SLC13A3: variants seen among roughly 807,000 people sequenced by gnomAD.
SLC13A3 encodes the protein solute carrier family 13 member 3.
In SLC13A3, 40 loss-of-function variants were observed where a neutral mutation model predicts 59.0. The ratio of observed to expected loss-of-function variants is 0.68; its 90% confidence interval spans 0.53 to 0.88. SLC13A3 has a LOEUF of 0.88. SLC13A3 is among the 40% of genes least tolerant of loss of function. The pLI, the probability that SLC13A3 is intolerant of heterozygous loss-of-function variation, is 0.00. For missense variants in SLC13A3, 699 were observed against 783.2 expected, an observed-to-expected ratio of 0.89 and a Z score of 1.28; for synonymous variants, 317 against 330.3, an observed-to-expected ratio of 0.96 and a Z score of 0.44.
At chr20:46,647,636 C>G (rs1018432421) in intron 1 of SLC13A3, among the ~76,000 whole-genome samples, 2 of 152,202 alleles carry the variant, frequency 1.3e-5, no homozygotes. Context: ...TCCCTGCTGA[C>G]AGCATTTCTG....
At chr20:46,603,183 C>CA (rs998276363) in intron 3 of SLC13A3, among the ~76,000 whole-genome samples, 2,138 of 132,404 alleles carry the variant, frequency 0.016, 52 homozygotes, top group African/African-American at 0.054. Context: ...AATTTCGTCT[C>CA]AAAAAAAAAA....
At chr20:46,603,860 C>T (rs1432765065) in intron 3 of SLC13A3, among the ~76,000 whole-genome samples, 1 of 151,652 alleles carries the variant, frequency 6.6e-6, no homozygotes, top group Non-Finnish European at 1.5e-5. Context: ...AAGACTTCAA[C>T]AGAGCTGGGT....
chr20:46,599,223 G>C (rs2062347521), intron 4 of SLC13A3, among the ~76,000 whole-genome samples: 1 of 152,236 alleles, frequency 6.6e-6, no homozygotes, highest in South Asian at 2.1e-4. Context: ...AATAGTGCCT[G>C]GCTCATCGTA....
At chr20:46,673,832 A>G (rs2063106667), upstream of SLC13A3, 2 of 152,316 alleles carry the variant, frequency 1.3e-5, no homozygotes, top group South Asian at 4.1e-4. Context: ...GCTCTACATC[A>G]TTGGGTCTTA....
chr20:46,670,617 A>G (rs1214406968), upstream of SLC13A3, among the ~76,000 whole-genome samples: 1 of 152,178 alleles, frequency 6.6e-6, no homozygotes, highest in Admixed American at 6.5e-5. Context: ...CTCCATAGAG[A>G]GGGGCCCTGA....
upstream of SLC13A3, among the ~76,000 whole-genome samples, chr20:46,655,142 T>C (rs996489629): frequency 1.3e-5 from 2 of 152,082 alleles, no homozygotes; most frequent in Non-Finnish European, 2.9e-5. Flanking sequence ...GGCCATGATA[T>C]GTCTTGGTGT....
At chr20:46,651,265 T>A (rs1600616824) in intron 1 of SLC13A3, 46 bp downstream of exon 1, 1 of 1,444,444 alleles carries the variant, frequency 6.9e-7, no homozygotes, top group Non-Finnish European at 9.1e-7. Flanking sequence ...GAGAAGAGGA[T>A]CCCGCCTGTG....
At chr20:46,656,320 GTA>G (rs556691288), upstream of SLC13A3, among the ~76,000 whole-genome samples, 72 of 120,282 alleles carry the variant, frequency 6.0e-4, no homozygotes, top group Middle Eastern at 0.023. Context: ...ATATTATACT[GTA>G]TATGATATAC....
intron 8 of SLC13A3, chr20:46,584,278 A>G: frequency 1.0e-6 from 1 of 985,480 alleles, no homozygotes; most frequent in Non-Finnish European, 1.2e-6. Context: ...GTTCAAGGGC[A>G]GACCCTGAGC....
intron 3 of SLC13A3, among the ~76,000 whole-genome samples, chr20:46,606,289 T>C (rs2062436813): frequency 6.6e-6 from 1 of 152,218 alleles, no homozygotes; most frequent in Non-Finnish European, 1.5e-5. Flanking sequence ...TAGTTTTTAA[T>C]ACAACTGCCA....
intron 1 of SLC13A3, among the ~76,000 whole-genome samples, chr20:46,669,182 A>G (rs1339319373): frequency 6.6e-6 from 1 of 152,208 alleles, no homozygotes; most frequent in Non-Finnish European, 1.5e-5. Context: ...TCAAGAAGTT[A>G]TTATATGTGT....
intron 11 of SLC13A3, among the ~76,000 whole-genome samples, chr20:46,565,015 A>T (rs2061967810): frequency 6.6e-6 from 1 of 152,240 alleles, no homozygotes; most frequent in African/African-American, 2.4e-5. Flanking sequence ...CTGTTTGCAT[A>T]CAAAGCATTT....
chr20:46,672,693 A>G (rs2063100225), upstream of SLC13A3, among the ~76,000 whole-genome samples: 1 of 152,184 alleles, frequency 6.6e-6, no homozygotes, highest in African/African-American at 2.4e-5. Flanking sequence ...CAGGGCATGA[A>G]TAAGGCCACA....
At chr20:46,621,213 C>T (rs2122775438) in intron 1 of SLC13A3, among the ~76,000 whole-genome samples, 1 of 152,314 alleles carries the variant, frequency 6.6e-6, no homozygotes. Context: ...GAGTCCTTCA[C>T]CACAGCAATG....
At chr20:46,564,086 T>C (rs992802895) in intron 11 of SLC13A3, among the ~76,000 whole-genome samples, 34 of 152,228 alleles carry the variant, frequency 2.2e-4, no homozygotes, top group African/African-American at 8.0e-4. Context: ...GACTGTACAC[T>C]GAGAACCAGG....
intron 10 of SLC13A3, among the ~76,000 whole-genome samples, chr20:46,567,585 T>C (rs1237783480): frequency 6.6e-6 from 1 of 152,138 alleles, no homozygotes; most frequent in Non-Finnish European, 1.5e-5. Flanking sequence ...CAATGCCCAG[T>C]GCTGACTCCA....
chr20:46,593,964 A>G (rs1339581270), intron 5 of SLC13A3, among the ~76,000 whole-genome samples: 3 of 152,094 alleles, frequency 2.0e-5, no homozygotes, highest in Non-Finnish European at 4.4e-5. Flanking sequence ...ATATCATTTT[A>G]TAATCAGAAT....
chr20:46,648,942 TACACAC>T (rs113495144), intron 1 of SLC13A3, among the ~76,000 whole-genome samples: 2 of 114,692 alleles, frequency 1.7e-5, no homozygotes, highest in Admixed American at 8.3e-5. Flanking sequence ...CACACACACA[TACACAC>T]ACACACACAC....
At chr20:46,587,881 T>C (rs1311799389) in intron 8 of SLC13A3, among the ~76,000 whole-genome samples, 178 bp downstream of exon 8, 1 of 152,224 alleles carries the variant, frequency 6.6e-6, no homozygotes, top group Non-Finnish European at 1.5e-5. Context: ...TCATATTTTA[T>C]CACCCAAACC....
Sources: gnomAD v4.1 joint callset for allele counts (sites outside exome capture counted in the v4.1 genomes callset) on GRCh38, gnomAD v4.1.1 for gene constraint, MANE v1.5 for transcripts, NCBI Gene and HGNC (gene_info 2026-07-23, HGNC 2026-07-21) for gene names.